Variants in PPP6R2 observed in about 807,000 individuals in gnomAD.
PPP6R2 encodes the protein protein phosphatase 6 regulatory subunit 2, also known as serine/threonine-protein phosphatase 6 regulatory subunit 2.
In PPP6R2, 62 loss-of-function variants were observed where a neutral mutation model predicts 100.2. That is an observed-to-expected ratio of 0.62 (90% CI 0.50 to 0.76). PPP6R2 has a LOEUF of 0.76. PPP6R2 is among the 30% of genes least tolerant of loss of function. The pLI, the probability that PPP6R2 is intolerant of heterozygous loss-of-function variation, is 0.00. For synonymous variants in PPP6R2, 525 were observed against 514.7 expected, an observed-to-expected ratio of 1.02 and a Z score of -0.27; for missense variants, 1,142 against 1,276.3, an observed-to-expected ratio of 0.89 and a Z score of 1.60.
At chr22:50,381,886 T>C (rs916571569) in intron 2 of PPP6R2, among the ~76,000 whole-genome samples, 12 of 141,768 alleles carry the variant, frequency 8.5e-5, no homozygotes, top group Non-Finnish European at 1.7e-4. Context: ...CCAGCCCGGG[T>C]GACAGAGCGA....
At chr22:50,417,414 C>T (rs2060689389) in intron 6 of PPP6R2, among the ~76,000 whole-genome samples, 1 of 152,150 alleles carries the variant, frequency 6.6e-6, no homozygotes, top group Non-Finnish European at 1.5e-5. Flanking sequence ...CCCCTAGGAG[C>T]CACCCACCCT....
At chr22:50,380,496 G>C (rs920308660) in intron 2 of PPP6R2, among the ~76,000 whole-genome samples, 2 of 151,432 alleles carry the variant, frequency 1.3e-5, no homozygotes, top group African/African-American at 2.4e-5. Flanking sequence ...GAGTAGCTGG[G>C]ATTACAGGTG....
chr22:50,441,409 C>T (rs146055856), intron 22 of PPP6R2, among the ~76,000 whole-genome samples: 66 of 152,282 alleles, frequency 4.3e-4, no homozygotes, highest in Non-Finnish European at 8.5e-4. Context: ...CTGGCTGAGC[C>T]GCCTGGGATC....
chr22:50,405,269 G>C (rs2058664859), intron 3 of PPP6R2, among the ~76,000 whole-genome samples: 1 of 145,262 alleles, frequency 6.9e-6, no homozygotes. Context: ...GAGGCAAGAG[G>C]CCTGGCAGGC....
intron 4 of PPP6R2, among the ~76,000 whole-genome samples, chr22:50,409,160 G>A (rs1184267703): frequency 6.6e-6 from 1 of 152,196 alleles, no homozygotes; most frequent in African/African-American, 2.4e-5. Flanking sequence ...AGGCAGGGAT[G>A]CCTTGAGCCT....
Position 50,431,118 on chromosome 22 carries a change from T to TG in PPP6R2, c.1126-55_1126-54insG, listed in dbSNP as rs1569481920. 2.1e-6 allele frequency: 3 copies of TG among 1,430,382 alleles called. No individual in the cohort carries two copies. Among genetic ancestry groups the TG allele is most frequent in the Non-Finnish European group, 2.9e-6 (3 of 1,024,046 alleles). 88.6% of individuals were successfully genotyped at this position (1,430,382 alleles called of 1,614,324 possible). On this transcript the variant is annotated intron_variant, in intron 10 of 23. Coordinates refer to ENST00000612753, the MANE Select transcript of PPP6R2 (RefSeq NM_001242898.2). This position sits in a 1 kb window ranked among gnomAD's most constrained non-coding sequence, Gnocchi z 4.8. ...AAGGGTTTCCCTCAGCTTTGTGGTG[T>TG]AGCCGGCAGGAGAAAACCGATCTAA...
At chr22:50,386,583 T>C (rs2054302058) in intron 2 of PPP6R2, among the ~76,000 whole-genome samples, 1 of 152,130 alleles carries the variant, frequency 6.6e-6, no homozygotes, top group African/African-American at 2.4e-5. Flanking sequence ...TTGAGCAAGG[T>C]GCAAGCACAT....
chr22:50,395,977 C>G (rs1399904774), intron 3 of PPP6R2, among the ~76,000 whole-genome samples: 9 of 140,326 alleles, frequency 6.4e-5, no homozygotes, highest in Non-Finnish European at 1.4e-4. Flanking sequence ...GGCGGATCAC[C>G]TCAGGTCAGG....
chr22:50,354,265 A>G (rs1008637227), intron 1 of PPP6R2, among the ~76,000 whole-genome samples: 1 of 152,148 alleles, frequency 6.6e-6, no homozygotes, highest in African/African-American at 2.4e-5. Flanking sequence ...AGATCATGCC[A>G]CTGCACTCCA....
At chr22:50,390,156 T>A (rs1569370004) in intron 2 of PPP6R2, among the ~76,000 whole-genome samples, 2 of 151,636 alleles carry the variant, frequency 1.3e-5, no homozygotes, top group South Asian at 4.2e-4. Flanking sequence ...CACGCCCATC[T>A]GATTTTTGTG....
chr22:50,361,440 C>T (rs1335233868), intron 1 of PPP6R2, among the ~76,000 whole-genome samples: 2 of 152,064 alleles, frequency 1.3e-5, no homozygotes, highest in Non-Finnish European at 2.9e-5. Context: ...TTTGAGTGTA[C>T]GGATGAAGCC....
rs928462141 is a variant in PPP6R2, at chr22:50,423,947, G to C, written c.1125+333G>C. On this transcript the variant is annotated intron_variant, in intron 10 of 23. Coordinates refer to ENST00000612753, the MANE Select transcript of PPP6R2 (RefSeq NM_001242898.2). This position sits in a 1 kb window ranked among gnomAD's most constrained non-coding sequence, Gnocchi z 4.8. The stretch of plus-strand genomic sequence containing the variant: ...TGACTGAACAACATAGAACTTACAC[G>C]GTGGTTATTAGGTATAAAATGGCTA... 6.6e-6 allele frequency among the ~76,000 whole-genome samples: 1 copy of C among 152,216 alleles called. No homozygotes were observed. The highest frequency in any genetic ancestry group is 1.5e-5 in the Non-Finnish European group (1 of 68,042).
chr22:50,335,314 T>C, the PPP6R2 span, among the ~76,000 whole-genome samples: 2 of 150,104 alleles, frequency 1.3e-5, no homozygotes, highest in Non-Finnish European at 3.0e-5. Flanking sequence ...CCACCTGCCT[T>C]GGCCTCCCAA....
At chr22:50,443,838 G>A (rs748229297) in intron 22 of PPP6R2, 28 bp from the exon 23 acceptor site, 66 of 1,550,258 alleles carry the variant, frequency 4.3e-5, no homozygotes, top group Admixed American at 5.5e-5. Flanking sequence ...GGGGGTGCCC[G>A]TAACCGGAGT....
intron 8 of PPP6R2, among the ~76,000 whole-genome samples, chr22:50,421,738 C>G (rs567448601): frequency 3.3e-5 from 5 of 152,024 alleles, no homozygotes; most frequent in African/African-American, 1.2e-4. Flanking sequence ...TGGCAAAATC[C>G]TGTCTCTACT....
rs900810576 is a variant in PPP6R2, at chr22:50,431,028, G to A, written c.1126-145G>A. ...ATAGAGAGATGACCCTCAGGAAAACGCTTAAAACTCCTTCCTAGCTACCCA... is the reference window on the plus strand; with the variant it reads ...ATAGAGAGATGACCCTCAGGAAAACACTTAAAACTCCTTCCTAGCTACCCA... On this transcript the variant is annotated intron_variant, in intron 10 of 23. Coordinates refer to ENST00000612753, the MANE Select transcript of PPP6R2 (RefSeq NM_001242898.2). This position sits in a 1 kb window ranked among gnomAD's most constrained non-coding sequence, Gnocchi z 4.8. 1 of 695,544 alleles carries A rather than the reference G, an allele frequency of 1.4e-6. No individual in the cohort carries two copies. Among genetic ancestry groups the A allele is most frequent in the African/African-American group, 1.8e-5 (1 of 56,406 alleles). 43.1% of individuals were successfully genotyped at this position (695,544 alleles called of 1,614,324 possible). A position where few individuals can be genotyped will look rare whatever the true frequency, so the allele number is the denominator to read the frequency against.
At chr22:50,381,668 C>A (rs920023392) in intron 2 of PPP6R2, among the ~76,000 whole-genome samples, 2 of 152,094 alleles carry the variant, frequency 1.3e-5, no homozygotes, top group Admixed American at 1.3e-4. Flanking sequence ...CGCCTGTAAT[C>A]CCAGCACTTT....
At chr22:50,375,285 A>C (rs1040914436) in intron 2 of PPP6R2, among the ~76,000 whole-genome samples, 2 of 152,204 alleles carry the variant, frequency 1.3e-5, no homozygotes, top group Non-Finnish European at 2.9e-5. Flanking sequence ...AAACATAAAT[A>C]AAAGAACTGA....
intron 3 of PPP6R2, among the ~76,000 whole-genome samples, chr22:50,396,923 G>C (rs925512203): frequency 2.0e-5 from 3 of 152,184 alleles, no homozygotes; most frequent in Non-Finnish European, 4.4e-5. Context: ...TGCTGTGTCA[G>C]CATCACTGTT....
Sources: allele counts gnomAD v4.1 joint callset (sites outside exome capture counted in the v4.1 genomes callset), GRCh38; gene constraint gnomAD v4.1.1; non-coding constraint Gnocchi (gnomAD v3.1); transcripts MANE v1.5; gene names NCBI Gene and HGNC (gene_info 2026-07-23, HGNC 2026-07-21).